Variants in A1CF observed in about 807,000 individuals in gnomAD.
A1CF encodes the protein APOBEC-1 stimulating protein.
Under a neutral mutation model 68.9 loss-of-function variants are expected in A1CF, and 48 were observed. The observed-to-expected ratio is 0.70, with a 90% CI of 0.55 to 0.89. The LOEUF (loss-of-function observed/expected upper bound fraction) is 0.89, where lower values mean the gene tolerates loss of function less well. Among genes scored for constraint, A1CF ranks in the 40% least tolerant of loss-of-function variants. A1CF has a pLI of 0.00. For synonymous variants in A1CF, 272 were observed against 260.4 expected (o/e 1.04, Z -0.43); for missense variants, 653 against 718.9 (o/e 0.91, Z 1.05).
At chr10:50,813,799 G>T in intron 10 of A1CF, 58 bp downstream of exon 10, 1 of 1,552,522 alleles carries the variant, frequency 6.4e-7, no homozygotes, top group Admixed American at 1.7e-5. Context: ...TTTGATAAAA[G>T]TGAATGATGC....
At chr10:50,818,466 T>G (rs1393182804) in intron 8 of A1CF, among the ~76,000 whole-genome samples, 1 of 151,954 alleles carries the variant, frequency 6.6e-6, no homozygotes, top group Non-Finnish European at 1.5e-5. Flanking sequence ...TCTAAAAATA[T>G]CTAGCTGCAA....
At chr10:50,834,308 G>A (rs1235041401) in intron 6 of A1CF, among the ~76,000 whole-genome samples, 1 of 152,180 alleles carries the variant, frequency 6.6e-6, no homozygotes, top group African/African-American at 2.4e-5. Context: ...TGCATTGAGG[G>A]AGGAAAGTGA....
chr10:50,835,055 T>C (rs1348496222), intron 6 of A1CF, among the ~76,000 whole-genome samples: 1 of 152,132 alleles, frequency 6.6e-6, no homozygotes, highest in Non-Finnish European at 1.5e-5. Flanking sequence ...TGCTGGCCAG[T>C]GAAGAGGGAA....
chr10:50,827,724 A>G (rs889342896), intron 7 of A1CF, among the ~76,000 whole-genome samples: 9 of 152,210 alleles, frequency 5.9e-5, no homozygotes, highest in Non-Finnish European at 1.3e-4. Context: ...CACAATTAAA[A>G]GAACTAGAGA....
chr10:50,850,978 G>T (rs60228766), intron 3 of A1CF, among the ~76,000 whole-genome samples: 2,497 of 152,254 alleles, frequency 0.016, 54 homozygotes, highest in African/African-American at 0.056. Context: ...ATTAAGTTAT[G>T]CAAAACTTCC....
intron 1 of A1CF, among the ~76,000 whole-genome samples, chr10:50,878,495 G>A (rs1246135553): frequency 1.3e-5 from 2 of 152,206 alleles, no homozygotes; most frequent in Non-Finnish European, 2.9e-5. Flanking sequence ...GCAAGTGGTA[G>A]AGCCAGAATT....
chr10:50,812,043 A>G (rs576058571), intron 10 of A1CF, among the ~76,000 whole-genome samples: 2 of 152,320 alleles, frequency 1.3e-5, no homozygotes, highest in Admixed American at 1.3e-4. Flanking sequence ...CAGCTGCAAT[A>G]GCATGATATT....
intron 5 of A1CF, 137 bp from the exon 6 acceptor site, chr10:50,836,449 G>T (rs2132430066): frequency 1.1e-6 from 1 of 916,034 alleles, no homozygotes; most frequent in Non-Finnish European, 1.6e-6. Context: ...TTGGAGAGTT[G>T]TGGCTTCTTT....
At chr10:50,843,935 C>T (rs1291592434) in intron 4 of A1CF, 53 bp downstream of exon 4, 12 of 1,599,880 alleles carry the variant, frequency 7.5e-6, no homozygotes, top group African/African-American at 4.0e-5. Flanking sequence ...GTGAAGAGAA[C>T]AGTATTTTTC....
intron 3 of A1CF, among the ~76,000 whole-genome samples, chr10:50,858,334 T>A (rs1156245612): frequency 1.3e-5 from 2 of 152,126 alleles, no homozygotes; most frequent in Non-Finnish European, 2.9e-5. Flanking sequence ...AGAACCAGTA[T>A]CCAGAATTGA....
rs182523576 is a variant in A1CF at position 50,833,048 on chromosome 10, A to G, written c.604+3026T>C. On this transcript the variant is annotated intron_variant, in intron 6 of 12. Coordinates refer to ENST00000373997, the MANE Select transcript of A1CF (RefSeq NM_014576.4). The stretch of plus-strand genomic sequence containing the variant: ...GCTGTGAATCACAAAATTTGACTGA[A>G]GAATAGAATCATCTGGAAAACTTAA... Among the ~76,000 whole-genome samples the G allele has an allele frequency of 3.1e-3, 466 of 152,338 alleles. 1 individual carries two copies. The highest frequency in any genetic ancestry group is 8.0e-3 in the Admixed American group (123 of 15,298).
At chr10:50,847,992 C>T (rs1200265599) in intron 3 of A1CF, among the ~76,000 whole-genome samples, 1 of 152,168 alleles carries the variant, frequency 6.6e-6, no homozygotes, top group Non-Finnish European at 1.5e-5. Flanking sequence ...TCAGAGTTAG[C>T]TTCTGTTACT....
At chr10:50,842,438 C>A (rs1001545275) in intron 4 of A1CF, among the ~76,000 whole-genome samples, 10 of 152,276 alleles carry the variant, frequency 6.6e-5, no homozygotes, top group African/African-American at 2.4e-4. Context: ...TGGTGACACC[C>A]TGAGTCTACA....
In A1CF at chr10:50,841,985, T is replaced by G; in HGVS notation, c.242A>C (p.Lys81Thr). ...ELIPLCEKIG[K>T]IYEMRMMMDF... ...CATCATCATTCTCATTTCATAAATT[T>G]TACCGATCTGCAAGTAATAGAAATA... Residue 81 changes from lysine to threonine, a missense_variant, in exon 5 of 13, where the codon AAA (lysine) becomes ACA (threonine). By Grantham distance (78) the Lys-to-Thr change is moderately conservative. Transcript: ENST00000373997. The G allele has an allele frequency of 1.2e-6, 2 of 1,609,078 alleles. No homozygotes were observed. Among genetic ancestry groups the G allele is most frequent in the Non-Finnish European group, 1.7e-6 (2 of 1,176,804 alleles).
At chr10:50,823,212 A>G (rs1838758620) in intron 7 of A1CF, among the ~76,000 whole-genome samples, 1 of 152,208 alleles carries the variant, frequency 6.6e-6, no homozygotes, top group African/African-American at 2.4e-5. Context: ...GACAAGTTAA[A>G]AAGTTAGAGT....
At chr10:50,848,497 A>C (rs1589016157) in intron 3 of A1CF, among the ~76,000 whole-genome samples, 1 of 152,216 alleles carries the variant, frequency 6.6e-6, no homozygotes, top group Non-Finnish European at 1.5e-5. Flanking sequence ...AATCATGGAC[A>C]CCAGATGGTT....
At chr10:50,854,650 T>A (rs1182499209) in intron 3 of A1CF, among the ~76,000 whole-genome samples, 1 of 151,970 alleles carries the variant, frequency 6.6e-6, no homozygotes. Context: ...AGATACATTC[T>A]TTTTCATTTC....
In A1CF at chr10:50,816,105, A is replaced by G. The variant is rs1322266668; in HGVS notation, c.1042T>C (p.Tyr348His). ...TTTYLGAPVF[Y>H]APQTYAAIPS... The stretch of plus-strand genomic sequence containing the variant: ...ATTGCTGCATAGGTCTGGGGGGCAT[A>G]GAAGACAGGAGCTCCAAGGTAGGTT... Residue 348 changes from tyrosine to histidine, a missense_variant, in exon 9 of 13, where the codon TAT becomes CAT. By Grantham distance (83) the Tyr-to-His change is moderately conservative (BLOSUM62 2). Transcript: ENST00000373997. 2 of 1,613,742 alleles carry G rather than the reference A, an allele frequency of 1.2e-6. No individual in the cohort carries two copies. Among genetic ancestry groups the G allele is most frequent in the Non-Finnish European group, 1.7e-6 (2 of 1,179,890 alleles).
chr10:50,849,319 C>G (rs370657388), intron 3 of A1CF, among the ~76,000 whole-genome samples: 84 of 152,256 alleles, frequency 5.5e-4, no homozygotes, highest in African/African-American at 1.9e-3. Flanking sequence ...TGTTTTTAGA[C>G]TGGAATTTAG....
Sources: gnomAD v4.1 joint callset for allele counts (sites outside exome capture counted in the v4.1 genomes callset) on GRCh38, gnomAD v4.1.1 for gene constraint, MANE v1.5 for transcripts, NCBI Gene and HGNC (gene_info 2026-07-23, HGNC 2026-07-21) for gene names.